Variants in ADAMTSL1 observed in about 807,000 individuals in gnomAD.
ADAMTSL1 encodes ADAMTS-like protein 1.
ADAMTSL1 carries 126 observed loss-of-function variants against 201.8 expected under a neutral mutation model. That is an observed-to-expected ratio of 0.62 (90% CI 0.54 to 0.72). ADAMTSL1 has a LOEUF of 0.72. Ranked by LOEUF, ADAMTSL1 falls within the 30% of genes least tolerant of loss-of-function variation. The pLI is 0.00. For synonymous variants in ADAMTSL1, 1,121 were observed against 903.4 expected (o/e 1.24, Z -4.32); for missense variants, 2,679 against 2,277.8 (o/e 1.18, Z -3.59).
At chr9:18,453,328 G>A (rs760193058) in intron 2 of ADAMTSL1, among the ~76,000 whole-genome samples, 1 of 152,078 alleles carries the variant, frequency 6.6e-6, no homozygotes, top group Non-Finnish European at 1.5e-5. Flanking sequence ...CCTTCCTAGA[G>A]CTCTGGACCT....
At chr9:18,252,337 A>T (rs988244625) in intron 2 of ADAMTSL1, among the ~76,000 whole-genome samples, 1 of 152,188 alleles carries the variant, frequency 6.6e-6, no homozygotes, top group Admixed American at 6.5e-5. Flanking sequence ...GTTACAGAAG[A>T]AATGCAAATC....
chr9:18,863,580 C>T (rs957836816), intron 23 of ADAMTSL1, among the ~76,000 whole-genome samples: 2 of 152,180 alleles, frequency 1.3e-5, no homozygotes, highest in African/African-American at 4.8e-5. Flanking sequence ...CTCCCACAGC[C>T]TTCTAGGGTC....
chr9:18,315,392 G>T (rs767730659), intron 2 of ADAMTSL1, among the ~76,000 whole-genome samples: 1 of 152,034 alleles, frequency 6.6e-6, no homozygotes, highest in South Asian at 2.1e-4. Context: ...CCTCAGTGGC[G>T]CCCGTCAGGG....
At chr9:18,397,856 T>C (rs565498154) in intron 2 of ADAMTSL1, among the ~76,000 whole-genome samples, 2 of 152,328 alleles carry the variant, frequency 1.3e-5, no homozygotes, top group African/African-American at 4.8e-5. Context: ...TTTCCAGATG[T>C]CTTAAGGTCA....
chr9:18,644,483 C>T (rs1247661092), intron 7 of ADAMTSL1, among the ~76,000 whole-genome samples: 2 of 151,828 alleles, frequency 1.3e-5, no homozygotes, highest in African/African-American at 4.8e-5. Flanking sequence ...GTGTGCTGCA[C>T]CCATTAACTT....
chr9:18,473,358 G>A (rs1206007465), upstream of ADAMTSL1, among the ~76,000 whole-genome samples: 1 of 152,120 alleles, frequency 6.6e-6, no homozygotes, highest in Non-Finnish European at 1.5e-5. Context: ...CACTCATCCT[G>A]GAGTCTTTGT....
intron 2 of ADAMTSL1, among the ~76,000 whole-genome samples, chr9:18,306,225 G>A (rs1203096235): frequency 2.6e-5 from 4 of 152,240 alleles, no homozygotes; most frequent in East Asian, 1.9e-4. Context: ...ATAAATACAC[G>A]AAGATGAGGA....
chr9:18,885,793 C>G (rs1376366885), intron 23 of ADAMTSL1, among the ~76,000 whole-genome samples: 1 of 151,978 alleles, frequency 6.6e-6, no homozygotes. Context: ...AAGGAGGTAG[C>G]AAGGTGCCCA....
chr9:18,087,177 T>G (rs1157033218), intron 1 of ADAMTSL1, among the ~76,000 whole-genome samples: 1 of 152,174 alleles, frequency 6.6e-6, no homozygotes, highest in African/African-American at 2.4e-5. Flanking sequence ...ATTTCAGTCA[T>G]AACCTTTTCT....
chr9:18,198,212 T>A (rs1212922112), intron 2 of ADAMTSL1, among the ~76,000 whole-genome samples: 1 of 151,414 alleles, frequency 6.6e-6, no homozygotes, highest in African/African-American at 2.4e-5. Context: ...GGACTTCATG[T>A]CTAAAACACC....
chr9:18,675,553 A>G (rs747371341), intron 9 of ADAMTSL1, among the ~76,000 whole-genome samples: 3 of 152,162 alleles, frequency 2.0e-5, no homozygotes, highest in Non-Finnish European at 4.4e-5. Context: ...AAGAACATTT[A>G]CAATCTTATG....
intron 2 of ADAMTSL1, among the ~76,000 whole-genome samples, chr9:18,355,046 C>T (rs7861774): frequency 0.4 from 60,061 of 151,922 alleles, 12,261 homozygotes; most frequent in Admixed American, 0.5. Flanking sequence ...CCCCTCTGTC[C>T]TTCATGCTGA....
chr9:18,078,909 G>A (rs954926259), intron 1 of ADAMTSL1, among the ~76,000 whole-genome samples: 1 of 152,148 alleles, frequency 6.6e-6, no homozygotes, highest in Admixed American at 6.5e-5. Context: ...TTTGCTCTTA[G>A]GAATTACGGA....
chr9:18,509,005 A>C lies in ADAMTSL1; in HGVS notation c.191+4049A>C, dbSNP rs1418015888. 2.9e-5 allele frequency among the ~76,000 whole-genome samples: 3 copies of C among 102,826 alleles called. 1 individual carries two copies. Among genetic ancestry groups the C allele is most frequent in the South Asian group, 2.6e-4 (1 of 3,832 alleles). 67.5% of individuals were successfully genotyped at this position (102,826 alleles called of 152,430 possible). ...CGAGACCATCCTGGCTAACAAGGTG[A>C]AACCCCGTCTCTACTAAAAATACAA... On this transcript the variant is annotated intron_variant, in intron 2 of 28. Coordinates refer to ENST00000380548, the MANE Select transcript of ADAMTSL1 (RefSeq NM_001040272.6).
chr9:18,109,007 G>T (rs139190441), intron 1 of ADAMTSL1, among the ~76,000 whole-genome samples: 1 of 152,080 alleles, frequency 6.6e-6, no homozygotes, highest in Non-Finnish European at 1.5e-5. Flanking sequence ...GCATTACTCA[G>T]TGCTATAGTT....
intron 4 of ADAMTSL1, among the ~76,000 whole-genome samples, chr9:18,603,020 T>C (rs1182716818): frequency 6.6e-6 from 1 of 152,198 alleles, no homozygotes; most frequent in Admixed American, 6.5e-5. Flanking sequence ...GAGAGCTAAG[T>C]TTCTGACTTT....
At chr9:18,868,897 A>G (rs1042171273) in intron 23 of ADAMTSL1, among the ~76,000 whole-genome samples, 4 of 152,170 alleles carry the variant, frequency 2.6e-5, no homozygotes, top group African/African-American at 7.2e-5. Flanking sequence ...GTTGAATTGT[A>G]TCCCCACAAA....
chr9:18,274,268 C>G (rs972947833), intron 2 of ADAMTSL1, among the ~76,000 whole-genome samples: 3 of 152,172 alleles, frequency 2.0e-5, no homozygotes, highest in African/African-American at 7.2e-5. Flanking sequence ...ATATCTAGTG[C>G]TCTTTCTTCT....
In ADAMTSL1 at chr9:18,826,379, T is replaced by C. The variant is rs1824563806; in HGVS notation, c.4030T>C (p.Ser1344Pro). Residue 1344 changes from serine (S) to proline (P), a missense_variant, in exon 22 of 29, where the codon TCC (serine) becomes CCC (proline). Ser to Pro is a moderately conservative substitution (Grantham distance 74, BLOSUM62 -1). Transcript: ENST00000380548. Reference sequence around the variant, plus strand: ...AGGCTCCTTGCTGCTCACAAACGTGTCCTCCTCGGATCAGGGCCTGTACTC... The same window carrying C: ...AGGCTCCTTGCTGCTCACAAACGTGCCCTCCTCGGATCAGGGCCTGTACTC... ...HEGSLLLTNV[S>P]SSDQGLYSCR... 4.3e-6 allele frequency: 7 copies of C among 1,613,714 alleles called. No individual in the cohort carries two copies. Among genetic ancestry groups the C allele is most frequent in the Non-Finnish European group, 5.9e-6 (7 of 1,179,856 alleles).
Sources: gnomAD v4.1 joint callset for allele counts (sites outside exome capture counted in the v4.1 genomes callset) on GRCh38, gnomAD v4.1.1 for gene constraint, MANE v1.5 for transcripts, NCBI Gene and HGNC (gene_info 2026-07-23, HGNC 2026-07-21) for gene names.